Variants in NDUFA5 observed in about 807,000 individuals in gnomAD.
NDUFA5 encodes the protein NADH dehydrogenase [ubiquinone] 1 alpha subcomplex subunit 5.
Under a neutral mutation model 19.8 loss-of-function variants are expected in NDUFA5, and 11 were observed. The observed-to-expected ratio is 0.56, with a 90% CI of 0.35 to 0.92. The LOEUF is 0.92. Among genes scored for constraint, NDUFA5 ranks in the 40% least tolerant of loss-of-function variants. NDUFA5 has a pLI of 0.01. For missense variants in NDUFA5, 109 were observed against 134.2 expected, an observed-to-expected ratio of 0.81 and a Z score of 0.93; for synonymous variants, 47 against 46.8, an observed-to-expected ratio of 1.00 and a Z score of -0.01.
At chr7:123,584,358 T>C in the NDUFA5 span, among the ~76,000 whole-genome samples, 14 of 150,826 alleles carry the variant, frequency 9.3e-5, no homozygotes, top group Admixed American at 9.3e-4. Flanking sequence ...AGTTTTAATG[T>C]CCTGATGCAC....
upstream of NDUFA5, among the ~76,000 whole-genome samples, chr7:123,561,395 T>C (rs1798685932): frequency 6.6e-6 from 1 of 152,224 alleles, no homozygotes; most frequent in African/African-American, 2.4e-5. Context: ...AAGAAGCAAC[T>C]CATCATCTGA....
chr7:123,579,017 T>G, the NDUFA5 span, among the ~76,000 whole-genome samples: 2 of 152,074 alleles, frequency 1.3e-5, no homozygotes, highest in South Asian at 2.1e-4. Context: ...AAATAGTGAT[T>G]GTAGTACTAA....
rs748961684 is a variant in NDUFA5, at chr7:123,557,768, G to A, written c.21+7C>T. On this transcript the variant is annotated splice_region_variant and intron_variant, in intron 1 of 4. Transcript: ENST00000355749. ...TAAATTCCAACAGTGACCTCCATTCGTCTCACCTTCTTCAGCACACCCGCC... is the reference window on the plus strand; with the variant it reads ...TAAATTCCAACAGTGACCTCCATTCATCTCACCTTCTTCAGCACACCCGCC... The A allele has an allele frequency of 6.2e-7, 1 of 1,613,602 alleles. No individual in the cohort carries two copies. Among genetic ancestry groups the A allele is most frequent in the Non-Finnish European group, 8.5e-7 (1 of 1,179,932 alleles).
chr7:123,572,638 T>C, the NDUFA5 span, among the ~76,000 whole-genome samples: 1 of 152,178 alleles, frequency 6.6e-6, no homozygotes, highest in Admixed American at 6.5e-5. Context: ...ACTCCTGGTA[T>C]GTCTGATATT....
At position 123,541,627 on chromosome 7, in the gene NDUFA5, A is replaced by T. The variant is rs1469192226; in HGVS notation, c.*492T>A. 1 of 152,242 alleles carries T rather than the reference A, an allele frequency of 6.6e-6. No homozygotes were observed. Among genetic ancestry groups the T allele is most frequent in the East Asian group, 1.9e-4 (1 of 5,200 alleles). 9.4% of individuals were successfully genotyped at this position (152,242 alleles called of 1,614,324 possible). ...ATACATAAGATCACAGCTGAGGTTA[A>T]CCATAATTTCAAATTTTATCACCAG... On this transcript the variant is annotated 3_prime_UTR_variant, in exon 5 of 5. Transcript: ENST00000355749.
chr7:123,552,656 A>G (rs887654283), intron 2 of NDUFA5, among the ~76,000 whole-genome samples: 30 of 151,744 alleles, frequency 2.0e-4, no homozygotes, highest in African/African-American at 6.3e-4. Context: ...AAAAAAAAAA[A>G]AAAATTGTGT....
chr7:123,557,024 G>A (rs1330611308), intron 2 of NDUFA5: 1 of 486,232 alleles, frequency 2.1e-6, no homozygotes, highest in South Asian at 1.6e-5. Flanking sequence ...AGAAGGAAAA[G>A]GGGGCAGTAC....
At chr7:123,546,680 G>A (rs760703584) in intron 3 of NDUFA5, 120 of 1,288,248 alleles carry the variant, frequency 9.3e-5, no homozygotes, top group Admixed American at 1.4e-4. Context: ...AACACAAGAC[G>A]TGATATGTTA....
chr7:123,555,488 A>C (rs1376822221), intron 2 of NDUFA5: 2 of 152,236 alleles, frequency 1.3e-5, no homozygotes, highest in Admixed American at 1.3e-4. Flanking sequence ...TACAAGTATA[A>C]GAGAAATACC....
chr7:123,590,932 T>A, the NDUFA5 span, among the ~76,000 whole-genome samples: 127 of 152,048 alleles, frequency 8.4e-4, no homozygotes, highest in African/African-American at 2.8e-3. Flanking sequence ...TATCGATGAG[T>A]ATGGAATGTT....
At chr7:123,544,638 C>T (rs1798061606) in intron 4 of NDUFA5, among the ~76,000 whole-genome samples, 1 of 150,708 alleles carries the variant, frequency 6.6e-6, no homozygotes, top group Non-Finnish European at 1.5e-5. Context: ...TATAAAAAGA[C>T]ACTCATGTAT....
the NDUFA5 span, among the ~76,000 whole-genome samples, chr7:123,578,447 CCTT>C: frequency 1.8e-4 from 28 of 152,068 alleles, no homozygotes; most frequent in Non-Finnish European, 2.5e-4. Context: ...CCTCTTTCCT[CCTT>C]CTACTTATTT....
the NDUFA5 span, among the ~76,000 whole-genome samples, chr7:123,596,770 C>G: frequency 6.6e-6 from 1 of 152,118 alleles, no homozygotes; most frequent in Non-Finnish European, 1.5e-5. Context: ...AATGTCATTA[C>G]GCATTAGCAA....
At chr7:123,580,399 A>G in the NDUFA5 span, among the ~76,000 whole-genome samples, 1 of 152,048 alleles carries the variant, frequency 6.6e-6, no homozygotes, top group Non-Finnish European at 1.5e-5. Context: ...TGCTAGGCAC[A>G]GGAGAGGCTT....
chr7:123,563,857 G>A, the NDUFA5 span, among the ~76,000 whole-genome samples: 1 of 152,166 alleles, frequency 6.6e-6, no homozygotes. Context: ...CCAGGATTGA[G>A]ATTTATGTTT....
chr7:123,564,622 G>A, the NDUFA5 span, among the ~76,000 whole-genome samples: 1 of 151,830 alleles, frequency 6.6e-6, no homozygotes, highest in African/African-American at 2.4e-5. Flanking sequence ...TTGTGTGTGT[G>A]TGTATATACA....
At chr7:123,576,085 T>C in the NDUFA5 span, among the ~76,000 whole-genome samples, 1 of 151,294 alleles carries the variant, frequency 6.6e-6, no homozygotes, top group African/African-American at 2.4e-5. Context: ...TATATAGATA[T>C]ATAGGAATAT....
Position 123,540,890 on chromosome 7 carries a change from G to GCACACACACACACACACACA in NDUFA5, c.*1209_*1228dup, listed in dbSNP as rs56974030. ...TCTGAGCAAATGTGCGCATGCGCGT[G>GCACACACACACACACACACA]CACACACACACACACACACACACAC... On this transcript the variant is annotated 3_prime_UTR_variant, in exon 5 of 5. Coordinates refer to ENST00000355749, the MANE Select transcript of NDUFA5 (RefSeq NM_005000.5). 1 of 133,830 alleles carries GCACACACACACACACACACA rather than the reference G, an allele frequency of 7.5e-6. No homozygotes were observed. The highest frequency in any genetic ancestry group is 1.6e-5 in the Non-Finnish European group (1 of 63,218). The allele number at this position is 133,830 out of a possible 1,614,324, so 8.3% of individuals were successfully genotyped here.
chr7:123,540,892 AC>A lies in NDUFA5; in HGVS notation c.*1226del, dbSNP rs1797915119. On this transcript the variant is annotated 3_prime_UTR_variant, in exon 5 of 5. Transcript: ENST00000355749. ...TGAGCAAATGTGCGCATGCGCGTGC[AC>A]ACACACACACACACACACACACACA... The A allele has an allele frequency of 1.7e-5, 1 of 60,486 alleles. No individual in the cohort carries two copies. The highest frequency in any genetic ancestry group is 4.2e-5 in the Non-Finnish European group (1 of 23,932). 3.7% of individuals were successfully genotyped at this position (60,486 alleles called of 1,614,324 possible).
Sources: allele counts gnomAD v4.1 joint callset (sites outside exome capture counted in the v4.1 genomes callset), GRCh38; gene constraint gnomAD v4.1.1; transcripts MANE v1.5; gene names NCBI Gene and HGNC (gene_info 2026-07-23, HGNC 2026-07-21).